Variants in GPATCH8 observed in about 807,000 individuals in gnomAD.
The protein encoded by GPATCH8 is G-patch domain containing 8, also known as G patch domain-containing protein 8.
In GPATCH8, 18 loss-of-function variants were observed where a neutral mutation model predicts 118.3. The observed-to-expected ratio is 0.15, with a 90% CI of 0.11 to 0.23. The LOEUF is 0.23. GPATCH8 is among the 10% of genes least tolerant of loss of function. GPATCH8 has a pLI of 1.00. For missense variants in GPATCH8, 1,631 were observed against 1,873.8 expected, an observed-to-expected ratio of 0.87 and a Z score of 2.39; for synonymous variants, 659 against 684.7, an observed-to-expected ratio of 0.96 and a Z score of 0.59.
At chr17:44,502,190 A>G (rs1444306347) in intron 1 of GPATCH8, among the ~76,000 whole-genome samples, 1 of 152,174 alleles carries the variant, frequency 6.6e-6, no homozygotes, top group African/African-American at 2.4e-5. Flanking sequence ...CTATTTATTT[A>G]CCAATCCTAT....
intron 3 of GPATCH8, 72 bp from the exon 4 acceptor site, chr17:44,436,617 G>C: frequency 1.2e-6 from 1 of 816,592 alleles, no homozygotes; most frequent in Non-Finnish European, 2.2e-6. Context: ...ATTGGGTTTT[G>C]GGTGGTTAGA....
At chr17:44,462,498 A>G (rs1198140245) in intron 3 of GPATCH8, among the ~76,000 whole-genome samples, 1 of 152,126 alleles carries the variant, frequency 6.6e-6, no homozygotes, top group African/African-American at 2.4e-5. Context: ...TATTCTTTGT[A>G]TTGTTTGTAA....
chr17:44,488,669 C>A (rs1034968134), intron 1 of GPATCH8, among the ~76,000 whole-genome samples: 3 of 151,666 alleles, frequency 2.0e-5, no homozygotes, highest in Non-Finnish European at 4.4e-5. Context: ...CCACACATGG[C>A]CCATGATAAT....
intron 1 of GPATCH8, among the ~76,000 whole-genome samples, chr17:44,488,626 C>T (rs1463705097): frequency 1.3e-5 from 2 of 151,256 alleles, no homozygotes; most frequent in Non-Finnish European, 2.9e-5. Context: ...CTGCCTCGGC[C>T]TCCCAAAGTG....
chr17:44,459,089 T>G (rs1397126756), intron 3 of GPATCH8, among the ~76,000 whole-genome samples: 1 of 152,150 alleles, frequency 6.6e-6, no homozygotes, highest in Non-Finnish European at 1.5e-5. Flanking sequence ...AGATGTTAGA[T>G]TTTTCAGAAG....
At position 44,398,267 on chromosome 17, in the gene GPATCH8, C is replaced by T; in HGVS notation, c.3810G>A (p.Leu1270=). 2.5e-6 allele frequency: 4 copies of T among 1,613,340 alleles called. No homozygotes were observed. Among genetic ancestry groups the T allele is most frequent in the Non-Finnish European group, 1.7e-6 (2 of 1,179,556 alleles). ...SQPGPVESSL[L]PIAPDLEHFP... is the part of the protein sequence containing the mutation. ...AATGCTCAAGGTCTGGTGCTATAGG[C>T]AGCAAGCTGGACTCCACAGGGCCTG... The change falls in exon 8 of 8, where the codon CTG becomes CTA. Residue 1270 remains leucine (L), a synonymous_variant. Transcript: ENST00000591680.
intron 6 of GPATCH8, among the ~76,000 whole-genome samples, chr17:44,421,442 T>C (rs1353149700): frequency 2.7e-5 from 4 of 149,406 alleles, no homozygotes; most frequent in Non-Finnish European, 6.0e-5. Context: ...CTCGGCTCAC[T>C]ATAACCTCTG....
rs1333487663 is a variant in GPATCH8 at position 44,398,418 on chromosome 17, G to C, written c.3659C>G (p.Pro1220Arg). ...TGCTGGGGTGCCTAGTGGAGCCACA[G>C]GGTGATCAGCAGTAGCTTCTCCAGA... ...SKSGEATADH[P>R]VAPLGTPAHS... is the part of the protein sequence containing the mutation. Residue 1220 changes from proline to arginine, a missense_variant, in exon 8 of 8, where the codon CCT (proline) becomes CGT (arginine). By Grantham distance (103) the Pro-to-Arg change is moderately radical. Around this residue, in one of 8 missense-constraint regions of GPATCH8, gnomAD observed 922 missense variants for 879.7 expected, o/e 1.05. Transcript: ENST00000591680. The C allele has an allele frequency of 6.2e-7, 1 of 1,613,850 alleles. No individual in the cohort carries two copies. The highest frequency in any genetic ancestry group is 1.3e-5 in the African/African-American group (1 of 74,914).
chr17:44,400,926 T>C lies in GPATCH8; in HGVS notation c.1151A>G (p.Glu384Gly), dbSNP rs1264702494. Residue 384 changes from glutamate to glycine, a missense_variant, in exon 8 of 8, where the codon GAA (glutamate) becomes GGA (glycine). Transcript: ENST00000591680. ...LSKLKRMKRE[E>G]GAGATEPEYY... Reference sequence around the variant, plus strand: ...CTCAGGCTCTGTAGCCCCAGCTCCTTCTTCTCGTTTCATCCTTTTTAATTT... The same window carrying C: ...CTCAGGCTCTGTAGCCCCAGCTCCTCCTTCTCGTTTCATCCTTTTTAATTT... 2.5e-6 allele frequency: 4 copies of C among 1,614,020 alleles called. No individual in the cohort carries two copies. The highest frequency in any genetic ancestry group is 3.4e-6 in the Non-Finnish European group (4 of 1,180,014).
chr17:44,487,167 C>T (rs572756822), intron 1 of GPATCH8, among the ~76,000 whole-genome samples: 246 of 152,306 alleles, frequency 1.6e-3, no homozygotes, highest in Middle Eastern at 0.01. Flanking sequence ...CCTTTATTTT[C>T]TTCCCCTCAA....
At chr17:44,409,803 G>A (rs2049366130) in intron 6 of GPATCH8, among the ~76,000 whole-genome samples, 1 of 152,140 alleles carries the variant, frequency 6.6e-6, no homozygotes, top group South Asian at 2.1e-4. Context: ...CCTCCGTGTG[G>A]GGCAGGGACT....
Position 44,397,844 on chromosome 17 carries a change from G to A in GPATCH8, c.4233C>T (p.Pro1411=). The A allele has an allele frequency of 1.9e-6, 3 of 1,602,580 alleles. No homozygotes were observed. The highest frequency in any genetic ancestry group is 2.6e-6 in the Non-Finnish European group (3 of 1,172,220). The part of the protein sequence containing the change: ...PLAQVHHIPQ[P]HLTPISLSHL... ...GGGACAAAGAAATGGGGGTCAGATG[G>A]GGCTGGGGAATATGATGCACCTGGG... The change falls in exon 8 of 8, where the codon CCC becomes CCT. Residue 1411 remains proline, a synonymous_variant. Coordinates refer to ENST00000591680, the MANE Select transcript of GPATCH8 (RefSeq NM_001002909.4).
Position 44,401,311 on chromosome 17 carries a change from C to T in GPATCH8, c.766G>A (p.Asp256Asn). The T allele has an allele frequency of 1.2e-6, 2 of 1,610,710 alleles. No individual in the cohort carries two copies. The highest frequency in any genetic ancestry group is 1.3e-5 in the African/African-American group (1 of 74,748). Residue 256 changes from aspartate (D) to asparagine (N), a missense_variant, in exon 8 of 8, where the codon GAT becomes AAT. Around this residue, in one of 8 missense-constraint regions of GPATCH8, gnomAD observed 405 missense variants for 462.7 expected, o/e 0.88. Transcript: ENST00000591680. ...SCGLGSEFSTDKGGPFTAVQI... is the reference protein window; with the variant it reads ...SCGLGSEFSTNKGGPFTAVQI... ...ACTGCAGTGAAAGGGCCTCCTTTAT[C>T]TGTGGAGAATTCAGATCCCAGGCCA...
At chr17:44,470,270 G>A (rs1014012870) in intron 2 of GPATCH8, among the ~76,000 whole-genome samples, 1 of 152,168 alleles carries the variant, frequency 6.6e-6, no homozygotes, top group African/African-American at 2.4e-5. Context: ...CACCCAGGCT[G>A]GAGTGCAGTG....
At chr17:44,457,131 G>A (rs570551422) in intron 3 of GPATCH8, among the ~76,000 whole-genome samples, 1 of 152,124 alleles carries the variant, frequency 6.6e-6, no homozygotes, top group East Asian at 1.9e-4. Flanking sequence ...CCAAAGTGCT[G>A]GGATTACAGG....
intron 1 of GPATCH8, 151 bp downstream of exon 1, chr17:44,503,175 A>C: frequency 2.4e-5 from 17 of 705,640 alleles, no homozygotes; most frequent in East Asian, 2.8e-5. Context: ...TCAAGCCGGG[A>C]GGCCTCTTGA....
At chr17:44,428,125 T>C (rs959574218) in intron 5 of GPATCH8, among the ~76,000 whole-genome samples, 5 of 151,366 alleles carry the variant, frequency 3.3e-5, no homozygotes, top group Non-Finnish European at 5.9e-5. Context: ...TTACCAAAAA[T>C]ACAAAAAATT....
chr17:44,395,778 A>T lies in GPATCH8; in HGVS notation c.*1790T>A, dbSNP rs796643443. On this transcript the variant is annotated 3_prime_UTR_variant, in exon 8 of 8. Transcript: ENST00000591680. ...CAGGTAAGTATGGTTTTTCTTGTCA[A>T]GTGACCAACCAACCAATTCTAGCCA... is the stretch of plus-strand genomic sequence containing the variant. 1.5e-5 allele frequency: 7 copies of T among 454,032 alleles called. No individual in the cohort carries two copies. Among genetic ancestry groups the T allele is most frequent in the Middle Eastern group, 6.8e-4 (1 of 1,466 alleles). 28.1% of individuals were successfully genotyped at this position (454,032 alleles called of 1,614,324 possible). A position where few individuals can be genotyped will look rare whatever the true frequency, so the allele number is the denominator to read the frequency against.
chr17:44,441,928 T>G (rs2050704528), intron 3 of GPATCH8, among the ~76,000 whole-genome samples: 3 of 151,664 alleles, frequency 2.0e-5, no homozygotes, highest in Non-Finnish European at 2.9e-5. Flanking sequence ...CTTGGGAGGC[T>G]GAGGCAGGAG....
Sources: allele counts gnomAD v4.1 joint callset (sites outside exome capture counted in the v4.1 genomes callset), GRCh38; gene constraint gnomAD v4.1.1; regional missense constraint gnomAD v4.1.1; transcripts MANE v1.5; gene names NCBI Gene and HGNC (gene_info 2026-07-23, HGNC 2026-07-21).